ARL5A: variants seen among roughly 807,000 people sequenced by gnomAD.
The protein encoded by ARL5A is ADP-ribosylation factor-like protein 5A.
ARL5A carries 18 observed loss-of-function variants against 25.9 expected under a neutral mutation model. The observed-to-expected ratio is 0.69, with a 90% confidence interval of 0.48 to 1.03. The LOEUF is 1.03. Among genes scored for constraint, ARL5A ranks in the 50% least tolerant of loss-of-function variants. The pLI is 0.00. For synonymous variants in ARL5A, 61 were observed against 67.5 expected, an observed-to-expected ratio of 0.90 and a Z score of 0.47; for missense variants, 170 against 211.9, an observed-to-expected ratio of 0.80 and a Z score of 1.23.
At position 151,803,131 on chromosome 2, in the gene ARL5A, C is replaced by G. The variant is rs942148906; in HGVS notation, c.*145G>C. The G allele has an allele frequency of 5.2e-6, 3 of 572,414 alleles. No individual in the cohort carries two copies. The African/African-American group carries it at 5.8e-5, about 11-fold the overall frequency. The allele number at this position is 572,414 out of a possible 1,614,324, so 35.5% of individuals were successfully genotyped here. A position where few individuals can be genotyped will look rare whatever the true frequency, so the allele number is the denominator to read the frequency against. On this transcript the variant is annotated 3_prime_UTR_variant, in exon 6 of 6. Coordinates refer to ENST00000295087, the MANE Select transcript of ARL5A (RefSeq NM_012097.4). ...GAAGGTGAGACTTCATCTTTGTTTT[C>G]AAATAAGTGGTCTTAATTTTTCTTC...
At chr2:151,812,607 G>A (rs766825561) in intron 3 of ARL5A, among the ~76,000 whole-genome samples, 167 bp from the exon 4 acceptor site, 1 of 152,044 alleles carries the variant, frequency 6.6e-6, no homozygotes, top group Non-Finnish European at 1.5e-5. Context: ...AGGTCTGATC[G>A]ATTTTAATAT....
At chr2:151,823,248 A>T (rs534173197) in intron 1 of ARL5A, among the ~76,000 whole-genome samples, 1 of 152,234 alleles carries the variant, frequency 6.6e-6, no homozygotes, top group Admixed American at 6.5e-5. Context: ...AATAAATCAG[A>T]TCTGGAAAAT....
intron 4 of ARL5A, 63 bp downstream of exon 4, chr2:151,812,294 G>T: frequency 8.3e-7 from 1 of 1,211,380 alleles, no homozygotes; most frequent in South Asian, 1.4e-5. Context: ...TGAGAAACTA[G>T]AAAACAAAGT....
rs1047797469 is a variant in ARL5A, at chr2:151,802,671, A to G, written c.*605T>C. ...TTGGTTAGTACAATACAGAGAACACAGAGAGAAAGTATAAAATGGCACTGA... is the reference window on the plus strand; with the variant it reads ...TTGGTTAGTACAATACAGAGAACACGGAGAGAAAGTATAAAATGGCACTGA... On this transcript the variant is annotated 3_prime_UTR_variant, in exon 6 of 6. Transcript: ENST00000295087. 2 of 152,456 alleles carry G rather than the reference A, an allele frequency of 1.3e-5. No individual in the cohort carries two copies. Among genetic ancestry groups the G allele is most frequent in the African/African-American group, 4.8e-5 (2 of 41,378 alleles). The allele number at this position is 152,456 out of a possible 1,614,324, so 9.4% of individuals were successfully genotyped here. A position where few individuals can be genotyped will look rare whatever the true frequency, so the allele number is the denominator to read the frequency against.
intron 4 of ARL5A, among the ~76,000 whole-genome samples, chr2:151,808,975 G>A (rs2099830470): frequency 2.0e-5 from 3 of 152,218 alleles, no homozygotes; most frequent in Non-Finnish European, 2.9e-5. Flanking sequence ...TTGAACCCAA[G>A]AGGTGGAGGT....
chr2:151,816,019 G>A (rs974858914), intron 1 of ARL5A, among the ~76,000 whole-genome samples: 15 of 152,244 alleles, frequency 9.9e-5, no homozygotes, highest in African/African-American at 2.4e-4. Context: ...TTACGTAGCC[G>A]CCTCCTCTTG....
Position 151,828,122 on chromosome 2 carries a change from G to C in ARL5A, c.46+9C>G. On this transcript the variant is annotated intron_variant, in intron 1 of 5. Transcript: ENST00000295087. ...CCCAACCCGTACGCCCGCGGACCGA[G>C]CTCCTCACCCTGGTGATTGAACAGT... is the stretch of plus-strand genomic sequence containing the variant. 1 of 1,609,016 alleles carries C rather than the reference G, an allele frequency of 6.2e-7. No homozygotes were observed. The highest frequency in any genetic ancestry group is 1.7e-5 in the Admixed American group (1 of 59,492).
At chr2:151,819,030 C>A (rs535816547) in intron 1 of ARL5A, among the ~76,000 whole-genome samples, 3 of 151,490 alleles carry the variant, frequency 2.0e-5, no homozygotes, top group Non-Finnish European at 4.4e-5. Flanking sequence ...CAATGAAATA[C>A]CAGAGAAAAT....
At chr2:151,820,171 G>A (rs1296298226) in intron 1 of ARL5A, among the ~76,000 whole-genome samples, 1 of 152,184 alleles carries the variant, frequency 6.6e-6, no homozygotes, top group Non-Finnish European at 1.5e-5. Context: ...GAAAGGAAAA[G>A]GTTAACAGTT....
intron 4 of ARL5A, among the ~76,000 whole-genome samples, chr2:151,812,141 T>G (rs1178844975): frequency 6.6e-6 from 1 of 152,186 alleles, no homozygotes; most frequent in Non-Finnish European, 1.5e-5. Flanking sequence ...CTAGGATAAG[T>G]GAAATAAAGT....
At position 151,828,261 on chromosome 2, in the gene ARL5A, C is replaced by A; in HGVS notation, c.-85G>T. The A allele has an allele frequency of 8.0e-7, 1 of 1,247,518 alleles. No individual in the cohort carries two copies. Among genetic ancestry groups the A allele is most frequent in the Non-Finnish European group, 1.1e-6 (1 of 876,800 alleles). The allele number at this position is 1,247,518 out of a possible 1,614,324, so 77.3% of individuals were successfully genotyped here. A position where few individuals can be genotyped will look rare whatever the true frequency, so the allele number is the denominator to read the frequency against. ...GGCTGAGGGGGAGGAGAGAGACGCGCTGGAGCCTCCGCCTCTGCTGCTGCT... is the reference window on the plus strand; with the variant it reads ...GGCTGAGGGGGAGGAGAGAGACGCGATGGAGCCTCCGCCTCTGCTGCTGCT... On this transcript the variant is annotated 5_prime_UTR_variant, in exon 1 of 6. Coordinates refer to ENST00000295087, the MANE Select transcript of ARL5A (RefSeq NM_012097.4).
At chr2:151,828,016 G>A (rs1192247241) in intron 1 of ARL5A, 115 bp downstream of exon 1, 3 of 1,140,612 alleles carry the variant, frequency 2.6e-6, no homozygotes, top group African/African-American at 1.6e-5. Context: ...TGCACCCCGC[G>A]CTGAGCTGGC....
intron 1 of ARL5A, among the ~76,000 whole-genome samples, chr2:151,818,423 T>A (rs1440093651): frequency 3.9e-5 from 6 of 152,136 alleles, no homozygotes; most frequent in Non-Finnish European, 8.8e-5. Flanking sequence ...AGACCACAGG[T>A]GTGCACCACC....
chr2:151,815,868 T>A (rs564347763), intron 1 of ARL5A, among the ~76,000 whole-genome samples: 52 of 152,326 alleles, frequency 3.4e-4, no homozygotes, highest in Non-Finnish European at 6.9e-4. Flanking sequence ...GTTCCCCAGA[T>A]GTTTTCTTGC....
At chr2:151,821,981 C>G (rs1204398096) in intron 1 of ARL5A, among the ~76,000 whole-genome samples, 1 of 152,038 alleles carries the variant, frequency 6.6e-6, no homozygotes, top group Admixed American at 6.6e-5. Context: ...TCCCGAGTAG[C>G]TGGAACTACA....
intron 4 of ARL5A, chr2:151,810,671 T>A (rs1287553758): frequency 2.2e-5 from 7 of 315,186 alleles, no homozygotes; most frequent in Non-Finnish European, 2.5e-5. Context: ...CCATAACAGA[T>A]AACGTTAAGT....
chr2:151,809,384 T>C (rs904225269), intron 4 of ARL5A, among the ~76,000 whole-genome samples: 9 of 152,194 alleles, frequency 5.9e-5, no homozygotes, highest in East Asian at 1.9e-4. Flanking sequence ...TCTCCAAATA[T>C]CTTAAATCAG....
chr2:151,803,366 G>A, intron 5 of ARL5A, 42 bp from the exon 6 acceptor site: 1 of 1,463,294 alleles, frequency 6.8e-7, no homozygotes, highest in Non-Finnish European at 9.6e-7. Context: ...TCTGAACTAA[G>A]AAGCTATGAG....
At chr2:151,810,812 C>CA (rs1185785594) in intron 4 of ARL5A, among the ~76,000 whole-genome samples, 1 of 152,040 alleles carries the variant, frequency 6.6e-6, no homozygotes, top group Non-Finnish European at 1.5e-5. Context: ...GACTACCTGT[C>CA]AACAAAGTAA....
Sources: gnomAD v4.1 joint callset for allele counts (sites outside exome capture counted in the v4.1 genomes callset) on GRCh38, gnomAD v4.1.1 for gene constraint, MANE v1.5 for transcripts, NCBI Gene and HGNC (gene_info 2026-07-23, HGNC 2026-07-21) for gene names.